The following ASAP1 variants were observed in gnomAD, a reference collection of about 807,000 sequenced individuals.
ASAP1 encodes arf-GAP with SH3 domain, ANK repeat and PH domain-containing protein 1.
ASAP1 carries 43 observed loss-of-function variants against 145.2 expected under a neutral mutation model. The ratio of observed to expected loss-of-function variants is 0.30; its 90% CI spans 0.23 to 0.38. ASAP1 has a LOEUF of 0.38. Among genes scored for constraint, ASAP1 ranks in the 10% least tolerant of loss-of-function variants. ASAP1 has a pLI of 1.00. For synonymous variants in ASAP1, 546 were observed against 515.5 expected (o/e 1.06, Z -0.80); for missense variants, 1,018 against 1,355.3 (o/e 0.75, Z 3.91).
intron 3 of ASAP1, among the ~76,000 whole-genome samples, chr8:130,248,684 G>A (rs533192434): frequency 6.6e-6 from 1 of 152,214 alleles, no homozygotes; most frequent in South Asian, 2.1e-4. Flanking sequence ...GAGACAAGCT[G>A]GGTATTACAT....
At chr8:130,066,686 C>T (rs973469428) in intron 27 of ASAP1, among the ~76,000 whole-genome samples, 2 of 151,990 alleles carry the variant, frequency 1.3e-5, no homozygotes, top group African/African-American at 4.8e-5. Flanking sequence ...CTACCAACTA[C>T]ACTGCAGAAC....
intron 13 of ASAP1, among the ~76,000 whole-genome samples, chr8:130,150,857 G>A (rs1290207703): frequency 1.3e-5 from 2 of 152,138 alleles, no homozygotes; most frequent in African/African-American, 2.4e-5. Flanking sequence ...TCCAGCCTGG[G>A]CGACAGAGCC....
chr8:130,106,616 C>G (rs2097537195), intron 24 of ASAP1, among the ~76,000 whole-genome samples: 1 of 152,240 alleles, frequency 6.6e-6, no homozygotes, highest in Non-Finnish European at 1.5e-5. Flanking sequence ...TCCTGGCCAC[C>G]TATTTCTGGG....
At chr8:130,253,768 G>A (rs1819347492) in intron 3 of ASAP1, among the ~76,000 whole-genome samples, 1 of 152,176 alleles carries the variant, frequency 6.6e-6, no homozygotes, top group Admixed American at 6.5e-5. Flanking sequence ...TGCTATTAAG[G>A]AAGTTAAGAT....
At chr8:130,335,256 C>T (rs940825147) in intron 3 of ASAP1, among the ~76,000 whole-genome samples, 4 of 152,112 alleles carry the variant, frequency 2.6e-5, no homozygotes, top group Non-Finnish European at 5.9e-5. Context: ...AATTGGATGC[C>T]GATCATGCAA....
At chr8:130,149,375 G>T (rs2097640808) in intron 13 of ASAP1, among the ~76,000 whole-genome samples, 1 of 151,844 alleles carries the variant, frequency 6.6e-6, no homozygotes, top group African/African-American at 2.4e-5. Context: ...TGTTTTAACA[G>T]ATACATGAAA....
intron 24 of ASAP1, 129 bp from the exon 25 acceptor site, chr8:130,092,272 T>C (rs1473520028): frequency 1.0e-6 from 1 of 960,976 alleles, no homozygotes; most frequent in Non-Finnish European, 1.5e-6. Context: ...AAAGGCTGGA[T>C]ATGGCTAACT....
At position 130,118,200 on chromosome 8, in the gene ASAP1, T is replaced by C. The variant is rs1431989680; in HGVS notation, c.1841A>G (p.Gln614Arg). The C allele has an allele frequency of 1.2e-6, 2 of 1,613,854 alleles. No individual in the cohort carries two copies. Among genetic ancestry groups the C allele is most frequent in the Non-Finnish European group, 1.7e-6 (2 of 1,179,900 alleles). ...GAAGTCAACCAAATGGAGAGATGTCTGATCTGCAGTTCGGACGGCAAGGTG... is the reference window on the plus strand; with the variant it reads ...GAAGTCAACCAAATGGAGAGATGTCCGATCTGCAGTTCGGACGGCAAGGTG... ...ALHLAVRTAD[Q>R]TSLHLVDFLV... The change falls in exon 20 of 30, where the codon CAG (glutamine) becomes CGG (arginine). Residue 614 changes from glutamine (Q) to arginine (R), a missense_variant. Transcript: ENST00000518721.
chr8:130,363,653 G>A lies in ASAP1; in HGVS notation c.60-5510C>T, dbSNP rs146896554. Among the ~76,000 whole-genome samples the A allele has an allele frequency of 4.6e-5, 7 of 152,256 alleles. No individual in the cohort carries two copies. The East Asian group carries it at 1.2e-3, about 25-fold the overall frequency. ...TTCATTCATATAACAGTCCTGAGAT[G>A]CAAGTATTACAATAATGGAAACTGA... On this transcript the variant is annotated intron_variant, in intron 2 of 29. Transcript: ENST00000518721.
intron 3 of ASAP1, among the ~76,000 whole-genome samples, chr8:130,299,897 G>C (rs1473021397): frequency 6.6e-6 from 1 of 151,934 alleles, no homozygotes; most frequent in African/African-American, 2.4e-5. Context: ...AAATAGATGA[G>C]GTGGCTATTT....
chr8:130,427,773 C>T (rs1273722355), intron 1 of ASAP1: 3 of 152,224 alleles, frequency 2.0e-5, no homozygotes, highest in Non-Finnish European at 4.4e-5. Context: ...TGCTTCTCCC[C>T]TTCAGTTTGA....
chr8:130,057,960 C>T lies in ASAP1; in HGVS notation c.3309G>A (p.Glu1103=). Residue 1103 remains glutamate (E), a synonymous_variant, in exon 29 of 30, where the codon GAG becomes GAA. Transcript: ENST00000518721. ...GATGGATATTCGTACGTACCCACCA[C>T]TCCTGGTCCTCTTCCCCTGTGACGA... ...VIIVTGEEDQ[E]WWIGHIEGQP... The T allele has an allele frequency of 1.2e-6, 2 of 1,614,230 alleles. No homozygotes were observed. The highest frequency in any genetic ancestry group is 2.2e-5 in the South Asian group (2 of 91,092).
intron 5 of ASAP1, among the ~76,000 whole-genome samples, chr8:130,198,775 C>T (rs552377612): frequency 6.6e-6 from 1 of 152,308 alleles, no homozygotes; most frequent in South Asian, 2.1e-4. Context: ...CCAAAGGCCA[C>T]TCTCATTTCC....
intron 2 of ASAP1, among the ~76,000 whole-genome samples, chr8:130,395,770 G>A (rs980169344): frequency 4.0e-5 from 6 of 151,790 alleles, no homozygotes; most frequent in East Asian, 1.9e-4. Context: ...AGGTTCAAGC[G>A]ATTCTCCTGC....
intron 5 of ASAP1, among the ~76,000 whole-genome samples, chr8:130,205,910 A>G (rs1816190382): frequency 6.6e-6 from 1 of 152,164 alleles, no homozygotes; most frequent in African/African-American, 2.4e-5. Context: ...ATATACCTAT[A>G]CCTGCAGATA....
intron 23 of ASAP1, 61 bp from the exon 24 acceptor site, chr8:130,112,383 G>A (rs1207525547): frequency 2.1e-6 from 3 of 1,463,100 alleles, no homozygotes; most frequent in East Asian, 2.3e-5. Context: ...GTGTACAGAG[G>A]GCCTCCGCAG....
At chr8:130,415,337 A>T (rs7817038) in intron 1 of ASAP1, among the ~76,000 whole-genome samples, 1 of 152,034 alleles carries the variant, frequency 6.6e-6, no homozygotes, top group Non-Finnish European at 1.5e-5. Context: ...GTGTGGTGGT[A>T]TACACCTATA....
intron 4 of ASAP1, among the ~76,000 whole-genome samples, chr8:130,218,542 T>C (rs1379672924): frequency 6.6e-6 from 1 of 152,156 alleles, no homozygotes; most frequent in Non-Finnish European, 1.5e-5. Flanking sequence ...CAAGAAGCTC[T>C]CCATCTATCT....
intron 13 of ASAP1, among the ~76,000 whole-genome samples, chr8:130,141,316 C>T (rs182525919): frequency 3.0e-4 from 45 of 152,244 alleles, no homozygotes; most frequent in Non-Finnish European, 5.4e-4. Flanking sequence ...TCCTGTCACT[C>T]TGAGTTGTTC....
Sources: allele counts gnomAD v4.1 joint callset (sites outside exome capture counted in the v4.1 genomes callset), GRCh38; gene constraint gnomAD v4.1.1; transcripts MANE v1.5; gene names NCBI Gene and HGNC (gene_info 2026-07-23, HGNC 2026-07-21).